Variants in RPL6 observed in about 807,000 individuals in gnomAD.
RPL6 encodes large ribosomal subunit protein eL6.
RPL6 carries 1 observed loss-of-function variant against 32.1 expected under a neutral mutation model. The observed-to-expected ratio is 0.03, with a 90% CI of 0.01 to 0.15. The LOEUF (loss-of-function observed/expected upper bound fraction) is 0.15. Ranked by LOEUF, RPL6 falls within the 10% of genes least tolerant of loss-of-function variation. The probability of loss-of-function intolerance (pLI) is 1.00; values close to 1 mark genes in which losing one functional copy is unlikely to be tolerated. For synonymous variants in RPL6, 126 were observed against 131.6 expected (o/e 0.96, Z 0.29); for missense variants, 275 against 354.6 (o/e 0.78, Z 1.80).
At chr12:112,416,133 A>ATTTTTTT (rs1168421826) in intron 1 of RPL6, among the ~76,000 whole-genome samples, 945 of 50,692 alleles carry the variant, frequency 0.019, no homozygotes, top group Non-Finnish European at 0.024. Context: ...TAAATTTTGT[A>ATTTTTTT]TTTTTTTTTT....
At chr12:112,407,761 T>G (rs753907402) in intron 3 of RPL6, 1 of 159,954 alleles carries the variant, frequency 6.3e-6, no homozygotes, top group African/African-American at 2.4e-5. Flanking sequence ...TATCTTTTTT[T>G]GAGATGAAGC....
At chr12:112,413,790 C>T (rs746559326), upstream of RPL6, among the ~76,000 whole-genome samples, 1 of 148,968 alleles carries the variant, frequency 6.7e-6, no homozygotes, top group African/African-American at 2.5e-5. Flanking sequence ...CTTTGGGAGG[C>T]GGAGGCAGGA....
chr12:112,407,988 G>T (rs1041603423), intron 3 of RPL6: 1 of 457,458 alleles, frequency 2.2e-6, no homozygotes, highest in Non-Finnish European at 3.9e-6. Context: ...CCAAAGTGCT[G>T]GGATTACAGG....
At position 112,405,211 on chromosome 12, in the gene RPL6, G is replaced by T. The variant is rs1292065041; in HGVS notation, c.*13C>A. The T allele has an allele frequency of 1.9e-6, 3 of 1,556,484 alleles. No individual in the cohort carries two copies. The highest frequency in any genetic ancestry group is 2.8e-5 in the African/African-American group (2 of 71,842). ...AAAATGTAGTCAGCTATTTAATTAG[G>T]TTCTTAAGACATTTAGAACACCAAT... On this transcript the variant is annotated 3_prime_UTR_variant, in exon 7 of 7. Transcript: ENST00000202773.
chr12:112,411,766 C>A (rs865996665), upstream of RPL6, among the ~76,000 whole-genome samples: 1 of 152,088 alleles, frequency 6.6e-6, no homozygotes, highest in South Asian at 2.1e-4. Context: ...GGGCAAAATA[C>A]CATGTTAGTT....
chr12:112,408,158 T>A, intron 3 of RPL6, 82 bp downstream of exon 3: 1 of 1,032,700 alleles, frequency 9.7e-7, no homozygotes, highest in African/African-American at 1.6e-5. Context: ...ATGCAGAAAC[T>A]TACAGTATCT....
Position 112,409,573 on chromosome 12 carries a change from C to G in RPL6, c.-1+14G>C. 1 of 398,592 alleles carries G rather than the reference C, an allele frequency of 2.5e-6. No homozygotes were observed. The highest frequency in any genetic ancestry group is 4.4e-6 in the Non-Finnish European group (1 of 226,084). The allele number at this position is 398,592 out of a possible 1,614,324, so 24.7% of individuals were successfully genotyped here. A position where few individuals can be genotyped will look rare whatever the true frequency, so the allele number is the denominator to read the frequency against. ...CCTGAACTCAAGTCTTGCAGACAGG[C>G]CCGCGATTCTTACCTTGCAAGATGG... On this transcript the variant is annotated intron_variant, in intron 1 of 6. Coordinates refer to ENST00000202773, the MANE Select transcript of RPL6 (RefSeq NM_000970.6).
At position 112,408,514 on chromosome 12, in the gene RPL6, G is replaced by A; in HGVS notation, c.143C>T (p.Pro48Leu). 2 of 1,613,292 alleles carry A rather than the reference G, an allele frequency of 1.2e-6. No individual in the cohort carries two copies. The stretch of plus-strand genomic sequence containing the variant: ...CCTGCCAATTCCTCTGACAAGGACA[G>A]GGTTGCGGCTGCAATGGGGCTTCCC... ...KKGKPHCSRN[P>L]VLVRGIGRYS... The change falls in exon 2 of 7, where the codon CCT (proline) becomes CTT (leucine). Residue 48 changes from proline to leucine, a missense_variant. By Grantham distance (98) the Pro-to-Leu change is moderately conservative. Coordinates refer to ENST00000202773, the MANE Select transcript of RPL6 (RefSeq NM_000970.6).
rs878876444 is a variant in RPL6 at position 112,405,456 on chromosome 12, C to T, written c.715-80G>A. On this transcript the variant is annotated intron_variant, in intron 6 of 6. Coordinates refer to ENST00000202773, the MANE Select transcript of RPL6 (RefSeq NM_000970.6). ...AGGTCAACTAAGGAGTCCTGTCTCACAAGTACTAATCCCCAAGAATATTTA... is the reference window on the plus strand; with the variant it reads ...AGGTCAACTAAGGAGTCCTGTCTCATAAGTACTAATCCCCAAGAATATTTA... The T allele has an allele frequency of 6.0e-6, 8 of 1,331,190 alleles. No individual in the cohort carries two copies. In the Admixed American group the frequency reaches 1.3e-4, roughly 22 times the overall value. 82.5% of individuals were successfully genotyped at this position (1,331,190 alleles called of 1,614,324 possible).
intron 1 of RPL6, chr12:112,418,522 G>T (rs2037457025): frequency 4.7e-6 from 1 of 213,082 alleles, no homozygotes; most frequent in South Asian, 1.6e-4. Flanking sequence ...GGGATTACGG[G>T]CGTGAACCAC....
At chr12:112,417,354 A>G (rs1296621012) in intron 1 of RPL6, among the ~76,000 whole-genome samples, 1 of 151,086 alleles carries the variant, frequency 6.6e-6, no homozygotes, top group African/African-American at 2.4e-5. Context: ...CACCACGCTC[A>G]GCTAGATCTG....
chr12:112,411,128 C>T (rs1354790767), upstream of RPL6, among the ~76,000 whole-genome samples: 3 of 152,156 alleles, frequency 2.0e-5, no homozygotes. Context: ...GCACTCTTAA[C>T]CATTAGGCTG....
At chr12:112,407,100 G>A (rs1283355968) in intron 3 of RPL6, 6 of 505,702 alleles carry the variant, frequency 1.2e-5, no homozygotes, top group Admixed American at 7.3e-5. Context: ...ACCATTTAAT[G>A]AATGAGATGT....
intron 3 of RPL6, chr12:112,407,194 G>A (rs928468648): frequency 2.4e-5 from 6 of 252,392 alleles, no homozygotes; most frequent in African/African-American, 1.4e-4. Context: ...CGTGTGACAT[G>A]CCACATTTTG....
At chr12:112,406,080 T>A (rs1328980349) in intron 5 of RPL6, 43 bp from the exon 6 acceptor site, 1 of 1,519,530 alleles carries the variant, frequency 6.6e-7, no homozygotes. Flanking sequence ...GGGGGAAGAA[T>A]CATCATCCTG....
At chr12:112,413,690 C>T (rs939464332), upstream of RPL6, among the ~76,000 whole-genome samples, 2 of 151,738 alleles carry the variant, frequency 1.3e-5, no homozygotes, top group Admixed American at 1.3e-4. Context: ...CCATGCCCGG[C>T]CATATAAATG....
chr12:112,411,740 T>A (rs2037343394), upstream of RPL6, among the ~76,000 whole-genome samples: 2 of 152,168 alleles, frequency 1.3e-5, no homozygotes, highest in African/African-American at 4.8e-5. Flanking sequence ...ATTGCAAAAT[T>A]TACAATTCAT....
In RPL6 at chr12:112,406,873, A is replaced by G. The variant is rs752962212; in HGVS notation, c.354T>C (p.Thr118=). 41 of 1,614,138 alleles carry G rather than the reference A, an allele frequency of 2.5e-5. No homozygotes were observed. Among genetic ancestry groups the G allele is most frequent in the Non-Finnish European group, 3.4e-5 (40 of 1,180,052 alleles). ...KLRKMPRYYP[T]EDVPRKLLSH... ...TCAACAGCTTTCGAGGCACATCTTC[A>G]GTAGGATAATATCTAGGCTGTGGAG... is the stretch of plus-strand genomic sequence containing the variant. Residue 118 remains threonine, a synonymous_variant, in exon 4 of 7, where the codon ACT becomes ACC. Transcript: ENST00000202773.
chr12:112,405,432 G>A, intron 6 of RPL6, 56 bp from the exon 7 acceptor site: 5 of 1,540,322 alleles, frequency 3.2e-6, no homozygotes, highest in Non-Finnish European at 4.4e-6. Context: ...ATTACTTGTA[G>A]GTCAACTAAG....
Sources: gnomAD v4.1 joint callset for allele counts (sites outside exome capture counted in the v4.1 genomes callset) on GRCh38, gnomAD v4.1.1 for gene constraint, MANE v1.5 for transcripts, NCBI Gene and HGNC (gene_info 2026-07-23, HGNC 2026-07-21) for gene names.